TRHDE: variants seen among roughly 807,000 people sequenced by gnomAD.
TRHDE encodes the protein thyrotropin releasing hormone degrading enzyme.
TRHDE carries 72 observed loss-of-function variants against 125.7 expected under a neutral mutation model. The observed-to-expected ratio is 0.57, with a 90% CI of 0.47 to 0.70. The LOEUF (loss-of-function observed/expected upper bound fraction) is 0.70. TRHDE is among the 30% of genes least tolerant of loss of function. The pLI, the probability that TRHDE is intolerant of heterozygous loss-of-function variation, is 0.00. For missense variants in TRHDE, 1,110 were observed against 1,327.1 expected (o/e 0.84, Z 2.54); for synonymous variants, 509 against 509.1 (o/e 1.00, Z 0.00).
At chr12:72,393,889 A>G (rs1444902261) in intron 3 of TRHDE, among the ~76,000 whole-genome samples, 3 of 152,172 alleles carry the variant, frequency 2.0e-5, no homozygotes, top group Non-Finnish European at 2.9e-5. Flanking sequence ...TTTCAAAAAT[A>G]TAGTGGACTC....
intron 12 of TRHDE, among the ~76,000 whole-genome samples, chr12:72,591,123 AAATCTTATGAGACTTATTCACTAT>A (rs1871658688): frequency 6.6e-6 from 1 of 152,206 alleles, no homozygotes; most frequent in Non-Finnish European, 1.5e-5. Flanking sequence ...TAAAACCATT[AAATCTTATGAGACTTATTCACTAT>A]AATGAGAACA....
chr12:72,426,780 G>A (rs1874204737), intron 3 of TRHDE, among the ~76,000 whole-genome samples: 1 of 144,414 alleles, frequency 6.9e-6, no homozygotes, highest in South Asian at 2.1e-4. Flanking sequence ...CCTGGGAAAA[G>A]GGACCAGTTA....
chr12:72,336,036 A>G (rs1311284928), intron 2 of TRHDE, among the ~76,000 whole-genome samples: 1 of 152,210 alleles, frequency 6.6e-6, no homozygotes. Context: ...GGAAGTACAT[A>G]TGTAGGATGT....
At chr12:72,316,596 A>G (rs1868815368) in intron 2 of TRHDE, among the ~76,000 whole-genome samples, 1 of 152,116 alleles carries the variant, frequency 6.6e-6, no homozygotes, top group Non-Finnish European at 1.5e-5. Flanking sequence ...TACCCCATAA[A>G]TTAGTTTTTG....
intron 2 of TRHDE, among the ~76,000 whole-genome samples, chr12:72,314,641 T>A (rs1256982164): frequency 6.6e-6 from 1 of 152,170 alleles, no homozygotes; most frequent in Admixed American, 6.6e-5. Flanking sequence ...AGTTTGTAGT[T>A]ATGTGGAGTG....
chr12:72,431,659 A>G (rs1158553405), intron 3 of TRHDE: 2 of 150,500 alleles, frequency 1.3e-5, no homozygotes, highest in African/African-American at 2.4e-5. Flanking sequence ...TTTTTTTGAG[A>G]ATGAAATGTT....
At chr12:72,639,111 G>T in intron 15 of TRHDE, among the ~76,000 whole-genome samples, 2 of 150,404 alleles carry the variant, frequency 1.3e-5, no homozygotes, top group African/African-American at 4.9e-5. Context: ...TTCCAACTTG[G>T]TTCCATTCTC....
intron 2 of TRHDE, among the ~76,000 whole-genome samples, chr12:72,261,371 C>T (rs1878947049): frequency 1.3e-5 from 2 of 152,136 alleles, no homozygotes; most frequent in South Asian, 2.1e-4. Context: ...CTGGACTTTA[C>T]AAAACCAGGC....
intron 3 of TRHDE, among the ~76,000 whole-genome samples, chr12:72,465,841 A>G (rs1368609082): frequency 6.6e-6 from 1 of 152,208 alleles, no homozygotes; most frequent in Non-Finnish European, 1.5e-5. Flanking sequence ...ACACGGTTAT[A>G]AGGTTAGTAG....
At chr12:72,378,438 TA>T (rs1325107171) in intron 3 of TRHDE, among the ~76,000 whole-genome samples, 3 of 152,114 alleles carry the variant, frequency 2.0e-5, no homozygotes, top group Non-Finnish European at 4.4e-5. Context: ...TCAGTAAAAC[TA>T]CCATGAGGGT....
intron 2 of TRHDE, among the ~76,000 whole-genome samples, chr12:72,303,636 C>G (rs1474665171): frequency 6.6e-6 from 1 of 152,098 alleles, no homozygotes; most frequent in Non-Finnish European, 1.5e-5. Context: ...GAAGCATAGA[C>G]TAAAATTTTT....
At chr12:72,520,168 C>T in intron 6 of TRHDE, among the ~76,000 whole-genome samples, 1 of 152,030 alleles carries the variant, frequency 6.6e-6, no homozygotes, top group Admixed American at 6.6e-5. Flanking sequence ...GTGGGCTCCA[C>T]CCAGTTCCAG....
intron 3 of TRHDE, among the ~76,000 whole-genome samples, chr12:72,380,199 A>T (rs1004552207): frequency 1.3e-5 from 2 of 152,144 alleles, no homozygotes; most frequent in African/African-American, 4.8e-5. Context: ...ATCTATAAGC[A>T]TTTACTGAGT....
At chr12:72,390,140 C>T (rs1872567208) in intron 3 of TRHDE, among the ~76,000 whole-genome samples, 1 of 152,154 alleles carries the variant, frequency 6.6e-6, no homozygotes, top group South Asian at 2.1e-4. Context: ...AGCTATAGTA[C>T]AAAGGACCAA....
At chr12:72,116,002 C>T (rs969841463) in intron 2 of TRHDE, among the ~76,000 whole-genome samples, 1 of 152,116 alleles carries the variant, frequency 6.6e-6, no homozygotes, top group African/African-American at 2.4e-5. Context: ...AATGCACTCC[C>T]TCCCTTTCCC....
At chr12:72,198,718 G>A (rs575502492) in intron 2 of TRHDE, among the ~76,000 whole-genome samples, 6 of 152,256 alleles carry the variant, frequency 3.9e-5, no homozygotes, top group African/African-American at 1.4e-4. Context: ...TGGAAAGATT[G>A]CAGTAGATCA....
At chr12:72,319,659 G>T (rs1006460244) in intron 2 of TRHDE, among the ~76,000 whole-genome samples, 4 of 151,886 alleles carry the variant, frequency 2.6e-5, no homozygotes, top group African/African-American at 7.3e-5. Context: ...ACATTATTTT[G>T]GCTCTTTGCA....
At chr12:72,149,202 C>A (rs1253699525) in intron 2 of TRHDE, among the ~76,000 whole-genome samples, 1 of 151,986 alleles carries the variant, frequency 6.6e-6, no homozygotes, top group Non-Finnish European at 1.5e-5. Context: ...TTTCTCCAAA[C>A]TGTAATTTGG....
chr12:72,394,739 T>C (rs1196629080), intron 3 of TRHDE, among the ~76,000 whole-genome samples: 1 of 152,186 alleles, frequency 6.6e-6, no homozygotes, highest in African/African-American at 2.4e-5. Context: ...ACAAGTGGTA[T>C]AGGTGTCATA....
Sources: allele counts gnomAD v4.1 joint callset (sites outside exome capture counted in the v4.1 genomes callset), GRCh38; gene constraint gnomAD v4.1.1; transcripts MANE v1.5; gene names NCBI Gene and HGNC (gene_info 2026-07-23, HGNC 2026-07-21).